KLHL8: variants seen among roughly 807,000 people sequenced by gnomAD.
KLHL8 encodes the protein kelch-like protein 8.
KLHL8 carries 38 observed loss-of-function variants against 63.5 expected under a neutral mutation model. The observed-to-expected ratio is 0.60, with a 90% CI of 0.46 to 0.78. KLHL8 has a LOEUF of 0.78. KLHL8 is among the 30% of genes least tolerant of loss of function. KLHL8 has a pLI of 0.00. For missense variants in KLHL8, 566 were observed against 752.4 expected, an observed-to-expected ratio of 0.75 and a Z score of 2.90; for synonymous variants, 224 against 254.3, an observed-to-expected ratio of 0.88 and a Z score of 1.13.
In KLHL8 at chr4:87,183,409, C is replaced by A; in HGVS notation, c.766-20G>T. Reference sequence around the variant, plus strand: ...GCGAACCTAAGATCATGAATAGTTGCAATACAACAAATTTTATATTTTCTT... The same window carrying A: ...GCGAACCTAAGATCATGAATAGTTGAAATACAACAAATTTTATATTTTCTT... On this transcript the variant is annotated intron_variant, in intron 3 of 9. Transcript: ENST00000273963. 4 of 1,490,906 alleles carry A rather than the reference C, an allele frequency of 2.7e-6. No individual in the cohort carries two copies. Among genetic ancestry groups the A allele is most frequent in the East Asian group, 2.4e-5 (1 of 41,566 alleles). The allele number at this position is 1,490,906 out of a possible 1,614,324, so 92.4% of individuals were successfully genotyped here.
intron 4 of KLHL8, among the ~76,000 whole-genome samples, chr4:87,179,672 G>T (rs1730973198): frequency 6.6e-6 from 1 of 152,068 alleles, no homozygotes; most frequent in Non-Finnish European, 1.5e-5. Flanking sequence ...AACTACATGG[G>T]AGGCTGAGGC....
intron 1 of KLHL8, among the ~76,000 whole-genome samples, chr4:87,233,481 G>A (rs1267100320): frequency 6.6e-6 from 1 of 152,088 alleles, no homozygotes; most frequent in Admixed American, 6.5e-5. Flanking sequence ...GCTGAGACAC[G>A]AGAATGGCTT....
At position 87,196,730 on chromosome 4, in the gene KLHL8, G is replaced by C. The variant is rs189304917; in HGVS notation, c.-151-1040C>G. On this transcript the variant is annotated intron_variant, in intron 1 of 9. Coordinates refer to ENST00000273963, the MANE Select transcript of KLHL8 (RefSeq NM_020803.5). ...ATGCTACAATTCTACTTTGGTGACA[G>C]AAACAGAGATTTTAAGTTACTAATG... is the stretch of plus-strand genomic sequence containing the variant. Among the ~76,000 whole-genome samples, 53 of 152,226 alleles carry C rather than the reference G, an allele frequency of 3.5e-4. No individual in the cohort carries two copies. The Middle Eastern group carries it at 0.014, about 39-fold the overall frequency.
chr4:87,227,576 G>C (rs1733056246), intron 1 of KLHL8, among the ~76,000 whole-genome samples: 1 of 151,332 alleles, frequency 6.6e-6, no homozygotes, highest in African/African-American at 2.4e-5. Flanking sequence ...CTTGAGCCCA[G>C]TAGTTGGAGG....
chr4:87,217,992 G>T (rs1732664967), intron 1 of KLHL8, among the ~76,000 whole-genome samples: 1 of 151,998 alleles, frequency 6.6e-6, no homozygotes, highest in South Asian at 2.1e-4. Flanking sequence ...AAAACAAAAG[G>T]GTTATTTGTC....
chr4:87,199,041 G>A (rs986225774), intron 1 of KLHL8, among the ~76,000 whole-genome samples: 5 of 152,078 alleles, frequency 3.3e-5, no homozygotes, highest in Non-Finnish European at 7.4e-5. Flanking sequence ...TAAAAAGAGA[G>A]ATTTTCAGAT....
At chr4:87,179,616 A>C (rs1007827911) in intron 4 of KLHL8, among the ~76,000 whole-genome samples, 1 of 152,004 alleles carries the variant, frequency 6.6e-6, no homozygotes, top group South Asian at 2.1e-4. Context: ...TCTCTACAAA[A>C]AAAATTTAAA....
chr4:87,183,103 T>C, intron 4 of KLHL8, 100 bp downstream of exon 4: 1 of 755,756 alleles, frequency 1.3e-6, no homozygotes, highest in South Asian at 2.6e-5. Flanking sequence ...TTTAAGGCAA[T>C]CAGACACTAA....
intron 1 of KLHL8, among the ~76,000 whole-genome samples, chr4:87,208,703 T>C (rs1364517849): frequency 6.6e-6 from 1 of 152,182 alleles, no homozygotes; most frequent in Non-Finnish European, 1.5e-5. Flanking sequence ...ACAGCAGGTA[T>C]CACTAATATC....
At position 87,195,364 on chromosome 4, in the gene KLHL8, C is replaced by T. The variant is rs144616595; in HGVS notation, c.176G>A (p.Arg59Gln). The T allele has an allele frequency of 6.6e-5, 106 of 1,612,774 alleles. No individual in the cohort carries two copies. The Admixed American group carries it at 1.1e-3, about 17-fold the overall frequency. ...ACAGAGTTCTCCATTTTCATAAAATCGAAGAAGAGAACCATGAAAATCTTT... is the reference window on the plus strand; with the variant it reads ...ACAGAGTTCTCCATTTTCATAAAATTGAAGAAGAGAACCATGAAAATCTTT... ...AWKDFHGSLL[R>Q]FYENGELCDV... Residue 59 changes from arginine (R) to glutamine (Q), a missense_variant, in exon 2 of 10, where the codon CGA (arginine) becomes CAA (glutamine). Transcript: ENST00000273963.
chr4:87,207,015 A>T (rs933385880), intron 1 of KLHL8: 2 of 317,746 alleles, frequency 6.3e-6, no homozygotes, highest in Non-Finnish European at 1.2e-5. Flanking sequence ...AACTGGGTCA[A>T]CTTGGCTCTC....
intron 1 of KLHL8, among the ~76,000 whole-genome samples, chr4:87,210,373 C>T (rs946851617): frequency 1.3e-5 from 2 of 152,020 alleles, no homozygotes; most frequent in Non-Finnish European, 2.9e-5. Flanking sequence ...CCCAGCTACT[C>T]GGGAGGCTGA....
chr4:87,210,304 C>A (rs1028255700), intron 1 of KLHL8, among the ~76,000 whole-genome samples: 7 of 152,124 alleles, frequency 4.6e-5, no homozygotes, highest in African/African-American at 1.7e-4. Flanking sequence ...ACGGTGAAAC[C>A]GTCTCTACTA....
chr4:87,170,978 G>A (rs17755005), intron 6 of KLHL8, among the ~76,000 whole-genome samples: 24,265 of 152,132 alleles, frequency 0.16, 2,290 homozygotes, highest in South Asian at 0.24. Context: ...GTTCTGCAGC[G>A]GAGGTCAGAA....
chr4:87,207,020 G>C (rs1732157214), intron 1 of KLHL8: 1 of 320,826 alleles, frequency 3.1e-6, no homozygotes, highest in South Asian at 3.0e-5. Context: ...GGTCAACTTG[G>C]CTCTCTGCTC....
intron 5 of KLHL8, among the ~76,000 whole-genome samples, chr4:87,177,109 C>T (rs1730851709): frequency 6.7e-6 from 1 of 148,636 alleles, no homozygotes; most frequent in Admixed American, 6.6e-5. Context: ...ATATTATCGC[C>T]CCCCCTTAGG....
chr4:87,195,770 T>C (rs554134567), intron 1 of KLHL8, 80 bp from the exon 2 acceptor site: 120 of 394,440 alleles, frequency 3.0e-4, no homozygotes, highest in Admixed American at 1.1e-3. Context: ...TAATACTATA[T>C]ATGCAAAATA....
rs34458758 is a variant in KLHL8, at chr4:87,182,228, CAAA to C, written c.952+972_952+974del. Among the ~76,000 whole-genome samples the C allele has an allele frequency of 3.0e-4, 20 of 67,738 alleles. No individual in the cohort carries two copies. In the East Asian group the frequency reaches 5.1e-3, roughly 17 times the overall value. 44.4% of individuals were successfully genotyped at this position (67,738 alleles called of 152,430 possible). A position where few individuals can be genotyped will look rare whatever the true frequency, so the allele number is the denominator to read the frequency against. On this transcript the variant is annotated intron_variant, in intron 4 of 9. Transcript: ENST00000273963. ...AACCTGGGCGACAGAGACTCCGTCTCAAAAAAAAAAAAAAAAAAAAAAATTACT... is the reference window on the plus strand; with the variant it reads ...AACCTGGGCGACAGAGACTCCGTCTCAAAAAAAAAAAAAAAAAAAATTACT...
chr4:87,211,053 G>A (rs1036159308), intron 1 of KLHL8, among the ~76,000 whole-genome samples: 5 of 152,014 alleles, frequency 3.3e-5, no homozygotes, highest in Admixed American at 6.6e-5. Flanking sequence ...TATAGGCACC[G>A]TCTCTCTTCA....
Sources: allele counts gnomAD v4.1 joint callset (sites outside exome capture counted in the v4.1 genomes callset), GRCh38; gene constraint gnomAD v4.1.1; transcripts MANE v1.5; gene names NCBI Gene and HGNC (gene_info 2026-07-23, HGNC 2026-07-21).